Variants in SIPA1L1 observed in about 807,000 individuals in gnomAD.
The protein encoded by SIPA1L1 is signal induced proliferation associated 1 like 1.
A neutral mutation model predicts 162.7 loss-of-function variants in SIPA1L1; 26 were observed. That is an observed-to-expected ratio of 0.16 (90% CI 0.12 to 0.22). The LOEUF (loss-of-function observed/expected upper bound fraction) is 0.22, where lower values mean the gene tolerates loss of function less well. Ranked by LOEUF, SIPA1L1 falls within the 10% of genes least tolerant of loss-of-function variation. The probability of loss-of-function intolerance (pLI) is 1.00; values close to 1 mark genes in which losing one functional copy is unlikely to be tolerated. For synonymous variants in SIPA1L1, 829 were observed against 837.4 expected, an observed-to-expected ratio of 0.99 and a Z score of 0.17; for missense variants, 1,874 against 2,241.0, an observed-to-expected ratio of 0.84 and a Z score of 3.31.
Position 71,724,683 on chromosome 14 carries a change from G to A in SIPA1L1, c.4462G>A (p.Asp1488Asn), listed in dbSNP as rs1203951281. The A allele has an allele frequency of 3.7e-6, 6 of 1,613,118 alleles. No individual in the cohort carries two copies. Among genetic ancestry groups the A allele is most frequent in the Admixed American group, 1.7e-5 (1 of 59,788 alleles). ...FMDTRKRHQS[D>N]GNEIAHTRLR... ...TTTTTTGTCCAGGCGTCATCAGAGC[G>A]ATGGCAATGAAATAGCCCACACCAG... The change falls in exon 19 of 24, where the codon GAT (aspartate) becomes AAT (asparagine). Residue 1488 changes from aspartate (D) to asparagine (N), a missense_variant. By Grantham distance (23) the Asp-to-Asn change is conservative. This residue lies in a region of SIPA1L1 where 936 missense variants were observed against 1,051.9 expected (regional missense o/e 0.89). Transcript: ENST00000381232.
chr14:71,358,235 A>G (rs1054984081), intron 2 of SIPA1L1, among the ~76,000 whole-genome samples: 20 of 152,214 alleles, frequency 1.3e-4, no homozygotes, highest in African/African-American at 4.8e-4. Context: ...AATGAATCAC[A>G]GAAGTAAGAA....
intron 2 of SIPA1L1, among the ~76,000 whole-genome samples, chr14:71,390,895 C>T (rs2040691386): frequency 6.6e-6 from 1 of 152,108 alleles, no homozygotes; most frequent in Non-Finnish European, 1.5e-5. Context: ...CTCCACTGGC[C>T]TTCTATAGAA....
intron 7 of SIPA1L1, among the ~76,000 whole-genome samples, chr14:71,626,998 A>G (rs755174504): frequency 6.6e-6 from 1 of 151,994 alleles, no homozygotes. Context: ...TTAACTTGAC[A>G]GTGATATATA....
At chr14:71,634,273 G>A (rs1033971677) in intron 7 of SIPA1L1, among the ~76,000 whole-genome samples, 5 of 151,534 alleles carry the variant, frequency 3.3e-5, no homozygotes, top group Non-Finnish European at 7.4e-5. Flanking sequence ...ATGGTGGCGG[G>A]CACCTGTAAT....
chr14:71,389,947 T>C (rs773877162), intron 2 of SIPA1L1, among the ~76,000 whole-genome samples: 1 of 152,226 alleles, frequency 6.6e-6, no homozygotes, highest in Non-Finnish European at 1.5e-5. Flanking sequence ...TACCTGTAAA[T>C]ATAAGTCCTT....
At chr14:71,390,202 A>G (rs2040634457) in intron 2 of SIPA1L1, among the ~76,000 whole-genome samples, 1 of 152,234 alleles carries the variant, frequency 6.6e-6, no homozygotes, top group Non-Finnish European at 1.5e-5. Flanking sequence ...AATGTGTTAA[A>G]CAATCCAAAT....
chr14:71,436,714 A>G (rs2044405422), intron 2 of SIPA1L1, among the ~76,000 whole-genome samples: 1 of 148,040 alleles, frequency 6.8e-6, no homozygotes, highest in Non-Finnish European at 1.5e-5. Context: ...AATTGCCCTC[A>G]TTGTTCTTGT....
chr14:71,623,002 T>C (rs1056440023), intron 6 of SIPA1L1, among the ~76,000 whole-genome samples: 2 of 152,234 alleles, frequency 1.3e-5, no homozygotes, highest in Admixed American at 1.3e-4. Context: ...CTCTTGACAT[T>C]TTCTTTTTGT....
chr14:71,622,334 T>G (rs1020609264), intron 6 of SIPA1L1, among the ~76,000 whole-genome samples: 1 of 152,244 alleles, frequency 6.6e-6, no homozygotes, highest in African/African-American at 2.4e-5. Context: ...CGAGGACTTA[T>G]GAGGACTCCA....
chr14:71,667,419 G>A (rs1269987689), intron 10 of SIPA1L1, among the ~76,000 whole-genome samples: 1 of 152,184 alleles, frequency 6.6e-6, no homozygotes, highest in Non-Finnish European at 1.5e-5. Flanking sequence ...AGTTTCTGGA[G>A]GGCTGAGCCC....
intron 2 of SIPA1L1, among the ~76,000 whole-genome samples, chr14:71,371,447 G>A (rs544211587): frequency 9.9e-5 from 15 of 152,264 alleles, no homozygotes; most frequent in African/African-American, 3.6e-4. Flanking sequence ...GAGTGCAGTG[G>A]TGTGATCTCA....
At position 71,533,534 on chromosome 14, in the gene SIPA1L1, G is replaced by A. The variant is rs928512366; in HGVS notation, c.-303+4164G>A. Among the ~76,000 whole-genome samples the A allele has an allele frequency of 2.6e-5, 4 of 152,144 alleles. No homozygotes were observed. The East Asian group carries it at 7.7e-4, about 29-fold the overall frequency. On this transcript the variant is annotated intron_variant, in intron 4 of 23. Transcript: ENST00000381232. ...TTTCATGTTGGAATATATGTGAGCA[G>A]GCATCTCAGAGGAATGCGTCTTTGG...
intron 6 of SIPA1L1, among the ~76,000 whole-genome samples, chr14:71,620,980 G>T (rs958689267): frequency 2.0e-5 from 3 of 152,148 alleles, no homozygotes; most frequent in African/African-American, 7.2e-5. Context: ...TTCACTTTAT[G>T]ACAACTCTAT....
intron 2 of SIPA1L1, 113 bp from the exon 3 acceptor site, chr14:71,512,630 C>A (rs1178492101): frequency 3.0e-5 from 4 of 134,988 alleles, no homozygotes; most frequent in Admixed American, 2.5e-4. Context: ...TTGACATGGC[C>A]CTGCAATGCC....
chr14:71,542,367 C>CCTGCTGCTG (rs142934736), intron 4 of SIPA1L1, among the ~76,000 whole-genome samples: 2 of 137,352 alleles, frequency 1.5e-5, no homozygotes, highest in African/African-American at 5.3e-5. Flanking sequence ...TCTTCTTCTT[C>CCTGCTGCTG]CTGCTGCTGC....
chr14:71,700,887 A>G (rs1435690575), intron 14 of SIPA1L1, among the ~76,000 whole-genome samples: 4 of 151,162 alleles, frequency 2.6e-5, no homozygotes, highest in African/African-American at 7.3e-5. Flanking sequence ...CCAGCTACTC[A>G]GGAGTCTGAG....
intron 4 of SIPA1L1, among the ~76,000 whole-genome samples, chr14:71,538,848 A>G (rs894818070): frequency 1.3e-5 from 2 of 152,214 alleles, no homozygotes; most frequent in Admixed American, 1.3e-4. Flanking sequence ...AGAAAGAAAC[A>G]AAGAAAATCT....
intron 7 of SIPA1L1, among the ~76,000 whole-genome samples, chr14:71,639,899 TTTTTTTG>T (rs1189720520): frequency 2.2e-5 from 2 of 92,428 alleles, no homozygotes; most frequent in Non-Finnish European, 6.2e-5. Flanking sequence ...ACTTTTTGGG[TTTTTTTG>T]TTTTTTTGTT....
At chr14:71,674,339 G>A (rs537434575) in intron 12 of SIPA1L1, among the ~76,000 whole-genome samples, 2 of 152,228 alleles carry the variant, frequency 1.3e-5, no homozygotes, top group Admixed American at 6.5e-5. Context: ...GCTGTTACTA[G>A]AAAGATGGAT....
Sources: gnomAD v4.1 joint callset for allele counts (sites outside exome capture counted in the v4.1 genomes callset) on GRCh38, gnomAD v4.1.1 for gene constraint, gnomAD v4.1.1 regional missense constraint, MANE v1.5 for transcripts, NCBI Gene and HGNC (gene_info 2026-07-23, HGNC 2026-07-21) for gene names.